TRIP10: variants seen among roughly 807,000 people sequenced by gnomAD.
TRIP10 encodes cdc42-interacting protein 4.
Under a neutral mutation model 80.9 loss-of-function variants are expected in TRIP10, and 54 were observed. The observed-to-expected ratio is 0.67, with a 90% CI of 0.54 to 0.84. TRIP10 has a LOEUF of 0.84. TRIP10 is among the 40% of genes least tolerant of loss of function. The pLI is 0.00. For missense variants in TRIP10, 773 were observed against 815.3 expected, an observed-to-expected ratio of 0.95 and a Z score of 0.63; for synonymous variants, 321 against 307.2, an observed-to-expected ratio of 1.04 and a Z score of -0.47.
At position 6,744,815 on chromosome 19, in the gene TRIP10, A is replaced by G; in HGVS notation, c.805A>G (p.Ile269Val). ...CCTCCCCCAGGACTCCCACGTCCTTATAGAGCTGCACAAGTCAGGTTTTGC... is the reference window on the plus strand; with the variant it reads ...CCTCCCCCAGGACTCCCACGTCCTTGTAGAGCTGCACAAGTCAGGTTTTGC... ...VDPKNDSHVL[I>V]ELHKSGFARP... is the part of the protein sequence containing the mutation. Residue 269 changes from isoleucine (I) to valine (V), a missense_variant, in exon 9 of 15, where the codon ATA becomes GTA. Ile to Val is a conservative substitution (Grantham distance 29). Coordinates refer to ENST00000313244, the MANE Select transcript of TRIP10 (RefSeq NM_001288962.2). This position sits in a 1 kb window ranked among gnomAD's most constrained non-coding sequence, Gnocchi z 4.9. The G allele has an allele frequency of 2.5e-6, 4 of 1,613,876 alleles. No homozygotes were observed. The highest frequency in any genetic ancestry group is 3.4e-6 in the Non-Finnish European group (4 of 1,179,864).
chr19:6,741,347 C>A, intron 3 of TRIP10, 66 bp downstream of exon 3: 1 of 1,539,800 alleles, frequency 6.5e-7, no homozygotes, highest in East Asian at 2.4e-5. Flanking sequence ...TCTCACTTCC[C>A]CTCCCTCAGC....
At chr19:6,750,677 G>A (rs1969266211) in intron 14 of TRIP10, 44 bp downstream of exon 14, 1 of 1,608,944 alleles carries the variant, frequency 6.2e-7, no homozygotes, top group Non-Finnish European at 8.5e-7. Context: ...GGGAGGCAGT[G>A]TCTCTGGCTA....
chr19:6,743,030 G>A lies in TRIP10; in HGVS notation c.261G>A (p.Arg87=). The part of the protein sequence containing the change: ...LQEVNDFAGQ[R]ELVAENLSVR... The stretch of plus-strand genomic sequence containing the variant: ...AGGTGAATGACTTTGCAGGCCAGCG[G>A]GAGCTGGTGGCTGAGAACCTCAGTG... Residue 87 remains arginine, a synonymous_variant, in exon 4 of 15, where the codon CGG becomes CGA. Coordinates refer to ENST00000313244, the MANE Select transcript of TRIP10 (RefSeq NM_001288962.2). 6.2e-7 allele frequency: 1 copy of A among 1,614,196 alleles called. No individual in the cohort carries two copies.
rs186288379 is a variant in TRIP10, at chr19:6,749,236, C to T, written c.1263-698C>T. 1.5e-3 allele frequency among the ~76,000 whole-genome samples: 228 copies of T among 152,230 alleles called. 1 individual carries two copies. The highest frequency in any genetic ancestry group is 4.6e-3 in the East Asian group (24 of 5,176). Reference sequence around the variant, plus strand: ...CTGGGATTACAGATGTGAGCCACCACGGCCAGCCCAGTGTTATATTTCTGA... The same window carrying T: ...CTGGGATTACAGATGTGAGCCACCATGGCCAGCCCAGTGTTATATTTCTGA... On this transcript the variant is annotated intron_variant, in intron 11 of 14. Transcript: ENST00000313244.
chr19:6,741,773 C>G (rs1968924133), intron 3 of TRIP10, among the ~76,000 whole-genome samples: 1 of 152,138 alleles, frequency 6.6e-6, no homozygotes, highest in South Asian at 2.1e-4. Flanking sequence ...TTGTTTTGGT[C>G]ACTTGTTTGG....
At chr19:6,740,749 C>A (rs915969854) in intron 1 of TRIP10, 1 of 477,960 alleles carries the variant, frequency 2.1e-6, no homozygotes, top group Non-Finnish European at 3.8e-6. Context: ...CCCCTCTTGG[C>A]GGTCCTATGT....
At position 6,746,246 on chromosome 19, in the gene TRIP10, CG is replaced by C. The variant is rs1568253938; in HGVS notation, c.1152+52del. 27 of 1,483,886 alleles carry C rather than the reference CG, an allele frequency of 1.8e-5. No homozygotes were observed. The highest frequency in any genetic ancestry group is 9.9e-6 in the Non-Finnish European group (11 of 1,111,510). The allele number at this position is 1,483,886 out of a possible 1,614,324, so 91.9% of individuals were successfully genotyped here. A position where few individuals can be genotyped will look rare whatever the true frequency, so the allele number is the denominator to read the frequency against. On this transcript the variant is annotated intron_variant, in intron 10 of 14. Coordinates refer to ENST00000313244, the MANE Select transcript of TRIP10 (RefSeq NM_001288962.2). The surrounding 1 kb of genome is among the most constrained non-coding windows in gnomAD (Gnocchi z 6.2). ...GAGGTGGTGGCCCTAGCCTGCCCAG[CG>C]GCGGGTGGCGGGACCCTGGGCTCGC... is the stretch of plus-strand genomic sequence containing the variant.
rs140793172 is a variant in TRIP10, at chr19:6,742,614, C to T, written c.198-353C>T. On this transcript the variant is annotated intron_variant, in intron 3 of 14. Transcript: ENST00000313244. ...GTTCGGGGGGATTGGAGTTTGAGAC[C>T]TCATCTGGAAAAAAAAAATTAGCCA... is the stretch of plus-strand genomic sequence containing the variant. 7.6e-3 allele frequency among the ~76,000 whole-genome samples: 1,144 copies of T among 151,484 alleles called. 11 individuals are homozygous for T. Among genetic ancestry groups the T allele is most frequent in the African/African-American group, 0.025 (1,049 of 41,278 alleles).
chr19:6,741,583 C>T lies in TRIP10; in HGVS notation c.197+302C>T, dbSNP rs553119157. Among the ~76,000 whole-genome samples the T allele has an allele frequency of 1.1e-4, 17 of 152,274 alleles. 1 individual carries two copies. In the South Asian group the frequency reaches 3.5e-3, roughly 32 times the overall value. ...GCAGATGACTTAAAGTTTTGCGCCTCTGTTTTCCTCATCTGTGAAATGGAA... is the reference window on the plus strand; with the variant it reads ...GCAGATGACTTAAAGTTTTGCGCCTTTGTTTTCCTCATCTGTGAAATGGAA... On this transcript the variant is annotated intron_variant, in intron 3 of 14. Coordinates refer to ENST00000313244, the MANE Select transcript of TRIP10 (RefSeq NM_001288962.2).
chr19:6,746,587 A>C lies in TRIP10; in HGVS notation c.1262+26A>C. 1.3e-6 allele frequency: 2 copies of C among 1,557,262 alleles called. No individual in the cohort carries two copies. Reference sequence around the variant, plus strand: ...GTAAGGTGGTGGGGTAGGGAAGGACAGGCAAGGAACATGATAAAATAGTAA... The same window carrying C: ...GTAAGGTGGTGGGGTAGGGAAGGACCGGCAAGGAACATGATAAAATAGTAA... On this transcript the variant is annotated intron_variant, in intron 11 of 14. Coordinates refer to ENST00000313244, the MANE Select transcript of TRIP10 (RefSeq NM_001288962.2). The surrounding 1 kb of genome is among the most constrained non-coding windows in gnomAD (Gnocchi z 6.2).
At position 6,739,726 on chromosome 19, in the gene TRIP10, T is replaced by A; in HGVS notation, c.-36T>A. ...CGGGCGGCGGGCGGCGGGGACCGGG[T>A]GCGGTGGTGGCTGCGGCGGCGGCGG... is the stretch of plus-strand genomic sequence containing the variant. On this transcript the variant is annotated 5_prime_UTR_variant, in exon 1 of 15. Transcript: ENST00000313244. 7.7e-7 allele frequency: 1 copy of A among 1,298,660 alleles called. No individual in the cohort carries two copies. The highest frequency in any genetic ancestry group is 9.9e-7 in the Non-Finnish European group (1 of 1,014,198). 80.4% of individuals were successfully genotyped at this position (1,298,660 alleles called of 1,614,324 possible). A position where few individuals can be genotyped will look rare whatever the true frequency, so the allele number is the denominator to read the frequency against.
At chr19:6,743,296 A>G in intron 5 of TRIP10, 40 bp downstream of exon 5, 1 of 1,610,380 alleles carries the variant, frequency 6.2e-7, no homozygotes, top group South Asian at 1.1e-5. Flanking sequence ...GCCCGGAGGC[A>G]TGGGGGCAGG....
Position 6,743,615 on chromosome 19 carries a change from C to CGGGGGGGGGGGGGGGG in TRIP10, c.513+27_513+28insGGGGGGGGGGGGGGGG. 1.3e-6 allele frequency: 1 copy of CGGGGGGGGGGGGGGGG among 770,170 alleles called. No homozygotes were observed. Among genetic ancestry groups the CGGGGGGGGGGGGGGGG allele is most frequent in the Non-Finnish European group, 1.8e-6 (1 of 549,192 alleles). 47.7% of individuals were successfully genotyped at this position (770,170 alleles called of 1,614,324 possible). A position where few individuals can be genotyped will look rare whatever the true frequency, so the allele number is the denominator to read the frequency against. On this transcript the variant is annotated intron_variant, in intron 6 of 14. Transcript: ENST00000313244. ...GTGGAGAAGGTGTGTGTGGCGGGGG[C>CGGGGGGGGGGGGGGGG]GGGGGGGGGGTGCGGGGTCTGGGAC...
At position 6,746,589 on chromosome 19, in the gene TRIP10, G is replaced by T. The variant is rs2145547147; in HGVS notation, c.1262+28G>T. On this transcript the variant is annotated intron_variant, in intron 11 of 14. Transcript: ENST00000313244. This position sits in a 1 kb window ranked among gnomAD's most constrained non-coding sequence, Gnocchi z 6.2. ...AAGGTGGTGGGGTAGGGAAGGACAG[G>T]CAAGGAACATGATAAAATAGTAAAT... 6.5e-7 allele frequency: 1 copy of T among 1,537,010 alleles called. No homozygotes were observed. The highest frequency in any genetic ancestry group is 1.7e-4 in the Middle Eastern group (1 of 5,918).
In TRIP10 at chr19:6,750,428, A is replaced by G; in HGVS notation, c.1532A>G (p.Glu511Gly). The change falls in exon 13 of 15, where the codon GAG becomes GGG. Residue 511 changes from glutamate (E) to glycine (G), a missense_variant. Transcript: ENST00000313244. Reference protein sequence around the residue: ...SSNSASQDTKESSEEPPSEES... With the variant: ...SSNSASQDTKGSSEEPPSEES... ...AACAGCGCATCACAGGACACCAAGG[A>G]GAGGTGAGGGGTGACGTCAGAGTGG... 1.2e-6 allele frequency: 2 copies of G among 1,614,032 alleles called. No homozygotes were observed. Among genetic ancestry groups the G allele is most frequent in the Non-Finnish European group, 1.7e-6 (2 of 1,179,972 alleles).
At chr19:6,741,580 CCT>C (rs1383253091) in intron 3 of TRIP10, among the ~76,000 whole-genome samples, 2 of 152,140 alleles carry the variant, frequency 1.3e-5, no homozygotes, top group East Asian at 1.9e-4. Context: ...AAGTTTTGCG[CCT>C]CTGTTTTCCT....
chr19:6,750,705 C>T, intron 14 of TRIP10, 72 bp downstream of exon 14: 1 of 1,587,118 alleles, frequency 6.3e-7, no homozygotes, highest in Non-Finnish European at 8.6e-7. Flanking sequence ...TTTAAATTCG[C>T]CTAAAGCAGG....
rs571624171 is a variant in TRIP10, at chr19:6,746,273, T to C, written c.1152+77T>C. On this transcript the variant is annotated intron_variant, in intron 10 of 14. Coordinates refer to ENST00000313244, the MANE Select transcript of TRIP10 (RefSeq NM_001288962.2). This position sits in a 1 kb window ranked among gnomAD's most constrained non-coding sequence, Gnocchi z 6.2. ...GCGGGTGGCGGGACCCTGGGCTCGCTTCCTGCCGCTGGCTGGGCCCCTCTT... is the reference window on the plus strand; with the variant it reads ...GCGGGTGGCGGGACCCTGGGCTCGCCTCCTGCCGCTGGCTGGGCCCCTCTT... 1.8e-5 allele frequency: 26 copies of C among 1,483,300 alleles called. No homozygotes were observed. In the African/African-American group the frequency reaches 2.8e-4, roughly 16 times the overall value. 91.9% of individuals were successfully genotyped at this position (1,483,300 alleles called of 1,614,324 possible).
At position 6,750,371 on chromosome 19, in the gene TRIP10, C is replaced by T. The variant is rs780720134; in HGVS notation, c.1475C>T (p.Pro492Leu). 6.2e-7 allele frequency: 1 copy of T among 1,614,056 alleles called. No individual in the cohort carries two copies. The highest frequency in any genetic ancestry group is 1.7e-5 in the Admixed American group (1 of 60,020). ...SLSRHARPPD[P>L]PASAPPDSSS... ...AGCCGGCACGCCCGGCCTCCCGACCCCCCCGCTAGCGCCCCGCCAGACAGC... is the reference window on the plus strand; with the variant it reads ...AGCCGGCACGCCCGGCCTCCCGACCTCCCCGCTAGCGCCCCGCCAGACAGC... The change falls in exon 13 of 15, where the codon CCC (proline) becomes CTC (leucine). Residue 492 changes from proline (P) to leucine (L), a missense_variant. Physicochemically the swap from Pro to Leu is moderately conservative, Grantham distance 98 (BLOSUM62 -3). Transcript: ENST00000313244.
Sources: gnomAD v4.1 joint callset for allele counts (sites outside exome capture counted in the v4.1 genomes callset) on GRCh38, gnomAD v4.1.1 for gene constraint, Gnocchi (gnomAD v3.1) non-coding constraint, MANE v1.5 for transcripts, NCBI Gene and HGNC (gene_info 2026-07-23, HGNC 2026-07-21) for gene names.